NFATC2: variants seen among roughly 807,000 people sequenced by gnomAD.
NFATC2 encodes nuclear factor of activated T cells 2, also known as nuclear factor of activated T-cells, cytoplasmic 2.
In NFATC2, 22 loss-of-function variants were observed where a neutral mutation model predicts 87.3. That is an observed-to-expected ratio of 0.25 (90% CI 0.18 to 0.36). The LOEUF is 0.36. Among genes scored for constraint, NFATC2 ranks in the 10% least tolerant of loss-of-function variants. NFATC2 has a pLI of 1.00. For synonymous variants in NFATC2, 565 were observed against 542.2 expected (o/e 1.04, Z -0.58); for missense variants, 1,149 against 1,259.1 (o/e 0.91, Z 1.32).
intron 6 of NFATC2, among the ~76,000 whole-genome samples, chr20:51,450,515 A>G (rs1985634450): frequency 6.6e-6 from 1 of 152,228 alleles, no homozygotes; most frequent in South Asian, 2.1e-4. Context: ...ACTTCAAAAA[A>G]TAACGATGAA....
At chr20:51,483,594 C>G (rs1989457281) in intron 3 of NFATC2, among the ~76,000 whole-genome samples, 1 of 147,988 alleles carries the variant, frequency 6.8e-6, no homozygotes, top group African/African-American at 2.5e-5. Context: ...CCTAACCCCA[C>G]CTTCCACCCT....
At position 51,540,663 on chromosome 20, in the gene NFATC2, T is replaced by TTGTTTTTTTTGTTTG. The variant is rs1555818356; in HGVS notation, c.130+1706_130+1707insCAAACAAAAAAAACA. 2.3e-4 allele frequency among the ~76,000 whole-genome samples: 31 copies of TTGTTTTTTTTGTTTG among 135,772 alleles called. 1 individual carries two copies. The East Asian group carries it at 6.9e-3, about 30-fold the overall frequency. The allele number at this position is 135,772 out of a possible 152,430, so 89.1% of individuals were successfully genotyped here. A position where few individuals can be genotyped will look rare whatever the true frequency, so the allele number is the denominator to read the frequency against. ...AAAACTGAAGTTTTTTTTTTGTTTT[T>TTGTTTTTTTTGTTTG]TTTTTTTTGAGAAAACAGATTCCAG... On this transcript the variant is annotated intron_variant, in intron 1 of 10. Coordinates refer to ENST00000371564, the MANE Select transcript of NFATC2 (RefSeq NM_012340.5).
intron 1 of NFATC2, among the ~76,000 whole-genome samples, chr20:51,551,904 G>A (rs575816151): frequency 1.4e-4 from 21 of 152,126 alleles, no homozygotes; most frequent in Admixed American, 5.2e-4. Context: ...GCGGGTGCCT[G>A]TAGTCCCAGC....
chr20:51,495,328 T>A (rs1480258413), intron 3 of NFATC2, among the ~76,000 whole-genome samples: 1 of 152,170 alleles, frequency 6.6e-6, no homozygotes. Context: ...GCTCAAGTGA[T>A]CCACCCACCT....
At chr20:51,406,793 G>A (rs898882726) in intron 9 of NFATC2, among the ~76,000 whole-genome samples, 7 of 152,156 alleles carry the variant, frequency 4.6e-5, no homozygotes, top group African/African-American at 1.4e-4. Flanking sequence ...CCATAGCGGC[G>A]CCTGTCTGAA....
At chr20:51,410,220 A>AG (rs1055660114) in intron 9 of NFATC2, among the ~76,000 whole-genome samples, 6 of 151,746 alleles carry the variant, frequency 4.0e-5, no homozygotes, top group Non-Finnish European at 8.8e-5. Flanking sequence ...AAAAAAAAAA[A>AG]AAAAAAAAGC....
chr20:51,419,756 G>A (rs1395000623), intron 9 of NFATC2, among the ~76,000 whole-genome samples: 5 of 152,170 alleles, frequency 3.3e-5, no homozygotes, highest in Non-Finnish European at 5.9e-5. Context: ...GAGTATCTCA[G>A]CAGCTGGCAT....
chr20:51,512,984 C>A (rs1014755211), intron 3 of NFATC2, among the ~76,000 whole-genome samples: 1 of 152,160 alleles, frequency 6.6e-6, no homozygotes, highest in Non-Finnish European at 1.5e-5. Flanking sequence ...AGCAGCAATC[C>A]TCTTAAAGTC....
At chr20:51,509,226 T>C (rs565047908) in intron 3 of NFATC2, among the ~76,000 whole-genome samples, 1 of 152,158 alleles carries the variant, frequency 6.6e-6, no homozygotes, top group Admixed American at 6.5e-5. Flanking sequence ...GTTTTCCCCA[T>C]AGGACTTATC....
Position 51,562,526 on chromosome 20 carries a change from C to G in NFATC2, c.70+34G>C. 2 of 1,524,366 alleles carry G rather than the reference C, an allele frequency of 1.3e-6. No homozygotes were observed. Among genetic ancestry groups the G allele is most frequent in the Non-Finnish European group, 1.8e-6 (2 of 1,124,988 alleles). The allele number at this position is 1,524,366 out of a possible 1,614,324, so 94.4% of individuals were successfully genotyped here. On this transcript the variant is annotated intron_variant, in intron 1 of 10. Transcript: ENST00000414705. This position sits in a 1 kb window ranked among gnomAD's most constrained non-coding sequence, Gnocchi z 5.8. ...GCAGGAAAGGGCCGGGAGGAGCGAG[C>G]GGAAAAGGCTGGAAGGGATCGAGAG...
At chr20:51,520,724 C>T (rs929166338) in intron 2 of NFATC2, among the ~76,000 whole-genome samples, 4 of 151,596 alleles carry the variant, frequency 2.6e-5, no homozygotes, top group Non-Finnish European at 5.9e-5. Context: ...GCAATGGCAC[C>T]ATCTCAGCTC....
upstream of NFATC2, among the ~76,000 whole-genome samples, chr20:51,546,421 G>T (rs2076889869): frequency 6.6e-6 from 1 of 152,232 alleles, no homozygotes; most frequent in East Asian, 1.9e-4. Flanking sequence ...TTAGGAACAA[G>T]GTCCAGGAGC....
intron 1 of NFATC2, among the ~76,000 whole-genome samples, chr20:51,536,249 A>C (rs2076718076): frequency 6.6e-6 from 1 of 152,258 alleles, no homozygotes; most frequent in Admixed American, 6.5e-5. Context: ...GAGACACATC[A>C]GACAAAGCTA....
Position 51,390,036 on chromosome 20 carries a change from C to T in NFATC2, c.*1460G>A, listed in dbSNP as rs1196679030. Reference sequence around the variant, plus strand: ...AAACAAACACATCTGCCAAGAACTTCAAGGGTTTTGTTTGTAAAAATCACA... The same window carrying T: ...AAACAAACACATCTGCCAAGAACTTTAAGGGTTTTGTTTGTAAAAATCACA... On this transcript the variant is annotated 3_prime_UTR_variant, in exon 11 of 11. Transcript: ENST00000371564. The T allele has an allele frequency of 1.3e-5, 2 of 152,120 alleles. No homozygotes were observed. The highest frequency in any genetic ancestry group is 6.5e-5 in the Admixed American group (1 of 15,274). 9.4% of individuals were successfully genotyped at this position (152,120 alleles called of 1,614,324 possible).
intron 10 of NFATC2, among the ~76,000 whole-genome samples, chr20:51,398,023 G>T (rs1425784273): frequency 6.6e-6 from 1 of 152,134 alleles, no homozygotes; most frequent in Non-Finnish European, 1.5e-5. Context: ...CCATCGAGGT[G>T]GATCTGCTGG....
intron 9 of NFATC2, among the ~76,000 whole-genome samples, chr20:51,415,862 GA>G (rs1214028710): frequency 3.9e-5 from 6 of 152,042 alleles, no homozygotes; most frequent in Non-Finnish European, 8.8e-5. Context: ...AGTCTCACAG[GA>G]GGAAAAACTG....
rs34489487 is a variant in NFATC2, at chr20:51,504,999, C to CTTTT, written c.1332+11781_1332+11784dup. On this transcript the variant is annotated intron_variant, in intron 3 of 10. Coordinates refer to ENST00000371564, the MANE Select transcript of NFATC2 (RefSeq NM_012340.5). ...GGTCATGAAGAGTGCTATCTAGTTCCTTTTTTTTTTTTTTTTTTTTTTTTT... is the reference window on the plus strand; with the variant it reads ...GGTCATGAAGAGTGCTATCTAGTTCCTTTTTTTTTTTTTTTTTTTTTTTTTTTTT... Among the ~76,000 whole-genome samples the CTTTT allele has an allele frequency of 3.0e-3, 218 of 72,516 alleles. 26 individuals are homozygous for CTTTT. Among genetic ancestry groups the CTTTT allele is most frequent in the African/African-American group, 8.4e-3 (131 of 15,596 alleles). 47.6% of individuals were successfully genotyped at this position (72,516 alleles called of 152,430 possible).
intron 10 of NFATC2, among the ~76,000 whole-genome samples, chr20:51,398,151 A>G (rs1049984612): frequency 2.0e-4 from 31 of 152,156 alleles, no homozygotes; most frequent in Admixed American, 1.2e-3. Flanking sequence ...GCCCCCCGGG[A>G]GGAGCTGAAA....
Position 51,402,623 on chromosome 20 carries a change from C to T in NFATC2, c.2723-3893G>A, listed in dbSNP as rs374388623. ...ACCTGAGTTTTGGGGAAGACATATACCATAAACCCCCTCTGGGGGTTAGAG... is the reference window on the plus strand; with the variant it reads ...ACCTGAGTTTTGGGGAAGACATATATCATAAACCCCCTCTGGGGGTTAGAG... On this transcript the variant is annotated intron_variant, in intron 9 of 10. Transcript: ENST00000371564. Among the ~76,000 whole-genome samples the T allele has an allele frequency of 1.5e-3, 228 of 151,522 alleles. 1 individual carries two copies. Among genetic ancestry groups the T allele is most frequent in the African/African-American group, 5.2e-3 (217 of 41,512 alleles).
Sources: gnomAD v4.1 joint callset for allele counts (sites outside exome capture counted in the v4.1 genomes callset) on GRCh38, gnomAD v4.1.1 for gene constraint, Gnocchi (gnomAD v3.1) non-coding constraint, MANE v1.5 for transcripts, NCBI Gene and HGNC (gene_info 2026-07-23, HGNC 2026-07-21) for gene names.